The following ZRANB3 variants were observed in gnomAD, a reference collection of about 807,000 sequenced individuals.
ZRANB3 encodes the protein zinc finger RANBP2-type containing 3.
A neutral mutation model predicts 133.8 loss-of-function variants in ZRANB3; 125 were observed. The ratio of observed to expected loss-of-function variants is 0.93; its 90% CI spans 0.81 to 1.08. ZRANB3 has a LOEUF of 1.08. ZRANB3 is among the 50% of genes least tolerant of loss of function. The pLI, the probability that ZRANB3 is intolerant of heterozygous loss-of-function variation, is 0.00. For synonymous variants in ZRANB3, 387 were observed against 432.7 expected (o/e 0.89, Z 1.31); for missense variants, 1,229 against 1,275.5 (o/e 0.96, Z 0.56).
chr2:135,279,646 T>G (rs1681003809), intron 8 of ZRANB3, among the ~76,000 whole-genome samples: 1 of 152,168 alleles, frequency 6.6e-6, no homozygotes, highest in African/African-American at 2.4e-5. Context: ...AAGTGAGCAA[T>G]TTTTCTTAGA....
intron 2 of ZRANB3, among the ~76,000 whole-genome samples, chr2:135,404,802 A>G (rs1687926907): frequency 6.6e-6 from 1 of 152,214 alleles, no homozygotes; most frequent in South Asian, 2.1e-4. Context: ...AATATTCAAC[A>G]TTCTTAAAGA....
chr2:135,238,582 T>G (rs1695413871), intron 12 of ZRANB3, among the ~76,000 whole-genome samples: 1 of 152,150 alleles, frequency 6.6e-6, no homozygotes, highest in African/African-American at 2.4e-5. Flanking sequence ...CAGGTGGGTC[T>G]TGAACTCCTG....
intron 8 of ZRANB3, among the ~76,000 whole-genome samples, chr2:135,287,180 T>G (rs1031972723): frequency 6.6e-6 from 1 of 152,248 alleles, no homozygotes; most frequent in Non-Finnish European, 1.5e-5. Context: ...TAGAGTGTTC[T>G]TTCCCCACTT....
rs113840782 is a variant in ZRANB3, at chr2:135,451,729, T to C, written c.161+52600A>G. Among the ~76,000 whole-genome samples, 453 of 152,134 alleles carry C rather than the reference T, an allele frequency of 3.0e-3. 3 individuals carry two copies. The highest frequency in any genetic ancestry group is 0.01 in the African/African-American group (422 of 41,506). On this transcript the variant is annotated intron_variant, in intron 2 of 20. Coordinates refer to ENST00000264159, the MANE Select transcript of ZRANB3 (RefSeq NM_032143.4). ...AAAACCAATCAACTAAAACCAGTAGTTTAAACCACTAGAAGGATATTAAAA... is the reference window on the plus strand; with the variant it reads ...AAAACCAATCAACTAAAACCAGTAGCTTAAACCACTAGAAGGATATTAAAA...
intron 8 of ZRANB3, among the ~76,000 whole-genome samples, chr2:135,310,100 C>G (rs1682903152): frequency 6.6e-6 from 1 of 152,094 alleles, no homozygotes; most frequent in African/African-American, 2.4e-5. Flanking sequence ...CCACGCCCAG[C>G]TAATTTTTGT....
intron 3 of ZRANB3, among the ~76,000 whole-genome samples, chr2:135,358,692 T>C (rs896959074): frequency 5.9e-5 from 9 of 152,162 alleles, no homozygotes; most frequent in Non-Finnish European, 8.8e-5. Context: ...GTATAACTCA[T>C]GCAAGGATTG....
At chr2:135,486,791 G>C (rs1451386433) in intron 2 of ZRANB3, among the ~76,000 whole-genome samples, 1 of 152,170 alleles carries the variant, frequency 6.6e-6, no homozygotes, top group Non-Finnish European at 1.5e-5. Context: ...GGGATTACAG[G>C]CATGAGCCAC....
At chr2:135,430,486 G>A (rs1033574424) in intron 2 of ZRANB3, among the ~76,000 whole-genome samples, 2 of 150,600 alleles carry the variant, frequency 1.3e-5, no homozygotes, top group Non-Finnish European at 3.0e-5. Flanking sequence ...AGAGCATATA[G>A]AGGCTTGGTC....
rs1466867064 is a variant in ZRANB3 at position 135,230,512 on chromosome 2, C to CCAG, written c.1952_1954dup (p.Ala651dup). 6.6e-7 allele frequency: 1 copy of CCAG among 1,523,576 alleles called. No homozygotes were observed. The highest frequency in any genetic ancestry group is 1.4e-5 in the African/African-American group (1 of 72,020). 94.4% of individuals were successfully genotyped at this position (1,523,576 alleles called of 1,614,324 possible). ...TCCATGGTCACCTTCTATATACTCACCAGCACTGCCTTGAGGAGTCTCACA... is the reference window on the plus strand; with the variant it reads ...TCCATGGTCACCTTCTATATACTCACCAGCAGCACTGCCTTGAGGAGTCTCACA... On this transcript the variant is annotated inframe_insertion and splice_region_variant. Transcript: ENST00000264159.
intron 8 of ZRANB3, among the ~76,000 whole-genome samples, chr2:135,277,467 A>C (rs768410540): frequency 3.3e-5 from 5 of 152,242 alleles, no homozygotes; most frequent in Non-Finnish European, 7.3e-5. Flanking sequence ...TACAGAGCTA[A>C]GAAAACTGGA....
intron 2 of ZRANB3, among the ~76,000 whole-genome samples, chr2:135,432,571 T>C (rs1317435069): frequency 2.0e-5 from 3 of 152,216 alleles, no homozygotes; most frequent in Non-Finnish European, 4.4e-5. Context: ...GAGTTAACCA[T>C]AGCTGACAAG....
chr2:135,237,138 A>C (rs1454978180), intron 12 of ZRANB3, among the ~76,000 whole-genome samples: 1 of 152,202 alleles, frequency 6.6e-6, no homozygotes, highest in African/African-American at 2.4e-5. Context: ...AAGGATATGA[A>C]CAGACACTTC....
chr2:135,342,267 C>G (rs982386063), intron 6 of ZRANB3, among the ~76,000 whole-genome samples: 2 of 149,718 alleles, frequency 1.3e-5, no homozygotes, highest in Admixed American at 6.6e-5. Flanking sequence ...GGCCGGTTCC[C>G]CCAATAGTGA....
At chr2:135,519,830 C>T (rs62172211) in intron 1 of ZRANB3, among the ~76,000 whole-genome samples, 6,076 of 152,090 alleles carry the variant, frequency 0.04, 136 homozygotes, top group African/African-American at 0.048. Flanking sequence ...AGCATACACA[C>T]GGGACTAATT....
At chr2:135,444,949 G>A (rs1196301651) in intron 2 of ZRANB3, among the ~76,000 whole-genome samples, 2 of 152,116 alleles carry the variant, frequency 1.3e-5, no homozygotes, top group African/African-American at 4.8e-5. Context: ...GCTACTCTGG[G>A]GAGTATTAGT....
intron 2 of ZRANB3, among the ~76,000 whole-genome samples, chr2:135,405,289 A>G (rs1687955770): frequency 4.6e-5 from 7 of 152,214 alleles, no homozygotes; most frequent in Admixed American, 4.6e-4. Context: ...ATATACATGC[A>G]CCCAATACAG....
intron 17 of ZRANB3, among the ~76,000 whole-genome samples, chr2:135,213,851 G>A (rs1238321151): frequency 6.6e-6 from 1 of 152,154 alleles, no homozygotes; most frequent in Non-Finnish European, 1.5e-5. Flanking sequence ...GGAGATTACT[G>A]AGTGGGCCCA....
At chr2:135,510,564 C>A (rs763891826) in intron 1 of ZRANB3, 18 of 692,476 alleles carry the variant, frequency 2.6e-5, no homozygotes, top group Non-Finnish European at 4.5e-5. Context: ...ATGGAGCAAG[C>A]CTTCTTCCCA....
In ZRANB3 at chr2:135,498,501, C is replaced by T. The variant is rs147972827; in HGVS notation, c.161+5828G>A. Among the ~76,000 whole-genome samples the T allele has an allele frequency of 2.9e-3, 443 of 152,206 alleles. 2 individuals are homozygous for T. Among genetic ancestry groups the T allele is most frequent in the African/African-American group, 0.01 (419 of 41,526 alleles). ...GCTGAGGATGAATGTCACTTCAGGA[C>T]CCTGTGATGATTGCGTTAACTGCAC... On this transcript the variant is annotated intron_variant, in intron 2 of 20. Transcript: ENST00000264159.
Sources: gnomAD v4.1 joint callset for allele counts (sites outside exome capture counted in the v4.1 genomes callset) on GRCh38, gnomAD v4.1.1 for gene constraint, MANE v1.5 for transcripts, NCBI Gene and HGNC (gene_info 2026-07-23, HGNC 2026-07-21) for gene names.